Variants in BTG4 observed in about 807,000 individuals in gnomAD.
The protein encoded by BTG4 is BTG anti-proliferation factor 4, also known as protein BTG4.
A neutral mutation model predicts 19.3 loss-of-function variants in BTG4; 10 were observed. The ratio of observed to expected loss-of-function variants is 0.52; its 90% CI spans 0.32 to 0.88. The LOEUF is 0.88. Among genes scored for constraint, BTG4 ranks in the 40% least tolerant of loss-of-function variants. The pLI is 0.04. For synonymous variants in BTG4, 91 were observed against 95.7 expected (o/e 0.95, Z 0.29); for missense variants, 238 against 281.9 (o/e 0.84, Z 1.11).
chr11:111,479,493 G>A (rs903078564), intron 5 of BTG4, among the ~76,000 whole-genome samples: 1 of 151,956 alleles, frequency 6.6e-6, no homozygotes, highest in Non-Finnish European at 1.5e-5. Context: ...TCACCTAAAA[G>A]AATGGCTAAA....
At chr11:111,445,531 A>G in the BTG4 span, among the ~76,000 whole-genome samples, 7 of 152,186 alleles carry the variant, frequency 4.6e-5, no homozygotes, top group African/African-American at 7.2e-5. Flanking sequence ...CACAGGACTG[A>G]GCCTAGGAAA....
At chr11:111,415,050 T>G in the BTG4 span, 1 of 152,150 alleles carries the variant, frequency 6.6e-6, no homozygotes, top group Admixed American at 6.5e-5. Context: ...GAGCACAAAC[T>G]CTGCTACCTG....
At chr11:111,445,069 G>A in the BTG4 span, among the ~76,000 whole-genome samples, 5 of 152,222 alleles carry the variant, frequency 3.3e-5, no homozygotes, top group African/African-American at 1.2e-4. Context: ...GAGCCCAACG[G>A]CTACCCTCAT....
chr11:111,474,714 T>C (rs2135546101), intron 5 of BTG4, among the ~76,000 whole-genome samples: 1 of 152,284 alleles, frequency 6.6e-6, no homozygotes. Flanking sequence ...CATGGATATG[T>C]TCAGTGTTAG....
At chr11:111,480,546 C>A (rs1864676686) in intron 5 of BTG4, among the ~76,000 whole-genome samples, 1 of 151,986 alleles carries the variant, frequency 6.6e-6, no homozygotes, top group Admixed American at 6.6e-5. Context: ...CATCAAAAAT[C>A]ATATCCTGGG....
chr11:111,437,615 A>G, the BTG4 span, among the ~76,000 whole-genome samples: 2 of 152,136 alleles, frequency 1.3e-5, no homozygotes, highest in African/African-American at 4.8e-5. Context: ...AGAGCCTCTG[A>G]GCATCCTCAC....
At chr11:111,442,511 T>TATACACAC in the BTG4 span, among the ~76,000 whole-genome samples, 8 of 48,116 alleles carry the variant, frequency 1.7e-4, no homozygotes, top group African/African-American at 5.4e-4. Context: ...AAAAAATGTA[T>TATACACAC]ACACACACAC....
chr11:111,407,398 C>T, the BTG4 span, among the ~76,000 whole-genome samples: 2 of 152,088 alleles, frequency 1.3e-5, no homozygotes, highest in African/African-American at 4.8e-5. Flanking sequence ...GGGCCGGGTG[C>T]GGTGGTTCCC....
Position 111,497,202 on chromosome 11 carries a change from A to G in BTG4, c.510+9T>C. ...AAAAAGTATAGAAAAGAACTGGAAC[A>G]CTCTTGACCTGATAAATACTCTTCG... On this transcript the variant is annotated intron_variant, in intron 4 of 4. Transcript: ENST00000692032. The G allele has an allele frequency of 6.2e-7, 1 of 1,604,768 alleles. No homozygotes were observed.
At chr11:111,453,452 AC>A in the BTG4 span, 1 of 456,156 alleles carries the variant, frequency 2.2e-6, no homozygotes, top group African/African-American at 2.0e-5. Flanking sequence ...GCTGCTCCCC[AC>A]CCCACCTTCA....
chr11:111,461,413 G>C, the BTG4 span, among the ~76,000 whole-genome samples: 2 of 152,134 alleles, frequency 1.3e-5, no homozygotes, highest in Non-Finnish European at 2.9e-5. Flanking sequence ...GTCACCAGGA[G>C]GGAGGGAGGA....
At chr11:111,444,353 T>G in the BTG4 span, among the ~76,000 whole-genome samples, 1 of 149,360 alleles carries the variant, frequency 6.7e-6, no homozygotes, top group African/African-American at 2.5e-5. Context: ...AACAGGAGAG[T>G]CCTAAGAGGC....
intron 5 of BTG4, among the ~76,000 whole-genome samples, chr11:111,481,154 T>C (rs1427869808): frequency 6.6e-6 from 1 of 151,922 alleles, no homozygotes; most frequent in African/African-American, 2.4e-5. Context: ...AAGGAAACAC[T>C]ATAAACAACT....
At chr11:111,394,516 G>A in the BTG4 span, among the ~76,000 whole-genome samples, 1 of 152,136 alleles carries the variant, frequency 6.6e-6, no homozygotes, top group Non-Finnish European at 1.5e-5. Context: ...CCATGATTGT[G>A]AGACCCCCCC....
intron 1 of BTG4, among the ~76,000 whole-genome samples, chr11:111,511,193 T>A (rs977716545): frequency 6.6e-6 from 1 of 152,282 alleles, no homozygotes; most frequent in African/African-American, 2.4e-5. Flanking sequence ...TTCTACGAGT[T>A]AATTTTTACA....
chr11:111,455,867 T>G, the BTG4 span: 2 of 454,404 alleles, frequency 4.4e-6, no homozygotes, highest in Non-Finnish European at 8.9e-6. Context: ...GGGGCGGAGC[T>G]ACTGAGGCCA....
At chr11:111,442,035 G>T in the BTG4 span, among the ~76,000 whole-genome samples, 1 of 151,290 alleles carries the variant, frequency 6.6e-6, no homozygotes, top group African/African-American at 2.4e-5. Context: ...CTCCAGCCTG[G>T]GTGACAGAGC....
the BTG4 span, among the ~76,000 whole-genome samples, chr11:111,436,274 A>G: frequency 2.0e-5 from 3 of 152,102 alleles, no homozygotes; most frequent in Non-Finnish European, 4.4e-5. Context: ...GGTGACGACC[A>G]CCTCCAGCTT....
At chr11:111,473,205 A>G (rs903396646) in intron 5 of BTG4, 1 of 152,562 alleles carries the variant, frequency 6.6e-6, no homozygotes, top group Non-Finnish European at 1.5e-5. Context: ...AATTGTACAT[A>G]GTACTCTCAG....
Sources: gnomAD v4.1 joint callset for allele counts (sites outside exome capture counted in the v4.1 genomes callset) on GRCh38, gnomAD v4.1.1 for gene constraint, MANE v1.5 for transcripts, NCBI Gene and HGNC (gene_info 2026-07-23, HGNC 2026-07-21) for gene names.